The following HMCN1 variants were observed in gnomAD, a reference collection of about 807,000 sequenced individuals.
HMCN1 encodes the protein hemicentin-1.
Under a neutral mutation model 625.9 loss-of-function variants are expected in HMCN1, and 321 were observed. That is an observed-to-expected ratio of 0.51 (90% confidence interval 0.47 to 0.56). The LOEUF (loss-of-function observed/expected upper bound fraction) is 0.56, where lower values mean the gene tolerates loss of function less well. HMCN1 is among the 20% of genes least tolerant of loss of function. HMCN1 has a pLI of 0.00. For missense variants in HMCN1, 6,588 were observed against 6,887.3 expected (o/e 0.96, Z 1.54); for synonymous variants, 2,425 against 2,417.6 (o/e 1.00, Z -0.09).
chr1:186,007,136 T>C lies in HMCN1; in HGVS notation c.4484T>C (p.Phe1495Ser). The change falls in exon 30 of 107, where the codon TTT (phenylalanine) becomes TCT (serine). Residue 1495 changes from phenylalanine (F) to serine (S), a missense_variant. Phe to Ser is a radical substitution (Grantham distance 155). Around this residue, in one of 3 missense-constraint regions of HMCN1, gnomAD observed 4,628 missense variants for 4,853.1 expected, o/e 0.95. Transcript: ENST00000271588. Reference sequence around the variant, plus strand: ...AGTTTTATTTTTTCTAGGCCTTTATTTTTGGGCGATCCTAATGTTGAACTT... The same window carrying C: ...AGTTTTATTTTTTCTAGGCCTTTATCTTTGGGCGATCCTAATGTTGAACTT... ...IHWFKDGKPLFLGDPNVELLD... is the reference protein window; with the variant it reads ...IHWFKDGKPLSLGDPNVELLD... The C allele has an allele frequency of 6.2e-7, 1 of 1,612,148 alleles. No individual in the cohort carries two copies. Among genetic ancestry groups the C allele is most frequent in the Non-Finnish European group, 8.5e-7 (1 of 1,178,378 alleles).
At chr1:185,992,996 A>T (rs1295647942) in intron 22 of HMCN1, among the ~76,000 whole-genome samples, 186 bp from the exon 23 acceptor site, 1 of 152,196 alleles carries the variant, frequency 6.6e-6, no homozygotes, top group Non-Finnish European at 1.5e-5. Context: ...TTATGTTTGC[A>T]GGAAAATCAT....
At chr1:186,011,604 C>T (rs1654008768) in intron 30 of HMCN1, among the ~76,000 whole-genome samples, 2 of 152,196 alleles carry the variant, frequency 1.3e-5, no homozygotes, top group African/African-American at 2.4e-5. Flanking sequence ...ATTTTCTTTG[C>T]ATTTGCCTCA....
At chr1:186,188,183 TC>T (rs1653474189) in intron 106 of HMCN1, among the ~76,000 whole-genome samples, 174 bp downstream of exon 106, 1 of 152,164 alleles carries the variant, frequency 6.6e-6, no homozygotes, top group African/African-American at 2.4e-5. Context: ...AATGAGCTCA[TC>T]CTGCAGCAGC....
rs1011954655 is a variant in HMCN1 at position 186,108,707 on chromosome 1, A to C, written c.10989+110A>C. On this transcript the variant is annotated intron_variant, in intron 71 of 106. Transcript: ENST00000271588. ...AAAACCAACTAACATCAGGCTACTA[A>C]TTATTCAACATTGCAGCAGTAAGCA... The C allele has an allele frequency of 4.2e-6, 5 of 1,196,566 alleles. No individual in the cohort carries two copies. In the African/African-American group the frequency reaches 7.6e-5, roughly 18 times the overall value. The allele number at this position is 1,196,566 out of a possible 1,614,324, so 74.1% of individuals were successfully genotyped here. A position where few individuals can be genotyped will look rare whatever the true frequency, so the allele number is the denominator to read the frequency against.
intron 1 of HMCN1, among the ~76,000 whole-genome samples, chr1:185,736,179 A>G (rs1653556734): frequency 6.6e-6 from 1 of 152,210 alleles, no homozygotes; most frequent in African/African-American, 2.4e-5. Context: ...TTAAAGATAT[A>G]TAGAACTCTC....
chr1:185,787,134 A>G (rs1557968538), intron 1 of HMCN1, among the ~76,000 whole-genome samples: 1 of 144,574 alleles, frequency 6.9e-6, no homozygotes, highest in Admixed American at 7.0e-5. Context: ...ATGAAGCGCC[A>G]TGATGTATGT....
At chr1:185,875,607 A>G (rs1297999235) in intron 4 of HMCN1, among the ~76,000 whole-genome samples, 2 of 152,008 alleles carry the variant, frequency 1.3e-5, no homozygotes, top group Non-Finnish European at 2.9e-5. Context: ...ATTTGACACT[A>G]TGGATCATTT....
At chr1:185,921,840 G>C (rs1667021891) in intron 6 of HMCN1, among the ~76,000 whole-genome samples, 1 of 152,168 alleles carries the variant, frequency 6.6e-6, no homozygotes, top group South Asian at 2.1e-4. Context: ...TAAGGACTTT[G>C]CATTTTTAAT....
intron 17 of HMCN1, among the ~76,000 whole-genome samples, chr1:185,982,042 A>G (rs1651677254): frequency 6.6e-6 from 1 of 152,092 alleles, no homozygotes; most frequent in Non-Finnish European, 1.5e-5. Flanking sequence ...TACCTTCTTT[A>G]CTACTGCAGT....
intron 91 of HMCN1, among the ~76,000 whole-genome samples, 167 bp downstream of exon 91, chr1:186,144,870 C>T (rs1205467219): frequency 1.3e-5 from 2 of 152,186 alleles, no homozygotes; most frequent in East Asian, 3.8e-4. Context: ...TAGATGTCTT[C>T]GATTCATAGG....
chr1:185,764,088 G>T lies in HMCN1; in HGVS notation c.268+29041G>T, dbSNP rs549495619. Among the ~76,000 whole-genome samples the T allele has an allele frequency of 3.9e-5, 6 of 152,256 alleles. No individual in the cohort carries two copies. In the South Asian group the frequency reaches 1.2e-3, roughly 32 times the overall value. On this transcript the variant is annotated intron_variant, in intron 1 of 106. Coordinates refer to ENST00000271588, the MANE Select transcript of HMCN1 (RefSeq NM_031935.3). The stretch of plus-strand genomic sequence containing the variant: ...CTGAAAAACAAATGCGTACAATTAA[G>T]AATAGTTTACAACTCTCTTAACCAA...
At chr1:185,906,337 T>C (rs1195176735) in intron 4 of HMCN1, among the ~76,000 whole-genome samples, 2 of 151,836 alleles carry the variant, frequency 1.3e-5, no homozygotes, top group African/African-American at 4.8e-5. Context: ...ACTATGTCTT[T>C]CCCAACAAGT....
At chr1:185,847,680 T>C (rs965663625) in intron 2 of HMCN1, among the ~76,000 whole-genome samples, 5 of 152,148 alleles carry the variant, frequency 3.3e-5, no homozygotes, top group Non-Finnish European at 7.4e-5. Flanking sequence ...CTGGGCACAG[T>C]AGCTCACGCC....
chr1:185,789,612 AATGACAT>A (rs139853358), intron 1 of HMCN1, among the ~76,000 whole-genome samples: 5 of 152,228 alleles, frequency 3.3e-5, no homozygotes, highest in African/African-American at 7.2e-5. Flanking sequence ...CAACCTGATG[AATGACAT>A]ATGACATATG....
At chr1:186,071,272 A>G (rs1013566326) in intron 52 of HMCN1, among the ~76,000 whole-genome samples, 1 of 152,176 alleles carries the variant, frequency 6.6e-6, no homozygotes, top group African/African-American at 2.4e-5. Context: ...TACAAAAGGT[A>G]ATGTTTTAAA....
chr1:186,028,213 T>C (rs1205957137), intron 36 of HMCN1, among the ~76,000 whole-genome samples: 3 of 152,212 alleles, frequency 2.0e-5, no homozygotes, highest in Non-Finnish European at 4.4e-5. Flanking sequence ...GAAGGTATTC[T>C]GGTTTTGGCA....
chr1:186,133,078 T>C (rs1244570915), intron 86 of HMCN1, among the ~76,000 whole-genome samples: 1 of 152,182 alleles, frequency 6.6e-6, no homozygotes, highest in African/African-American at 2.4e-5. Context: ...TTTTGAATAC[T>C]AGTTCAACCA....
In HMCN1 at chr1:186,130,514, A is replaced by G; in HGVS notation, c.13047A>G (p.Pro4349=). ...AIGFVYVKEP[P]VFKGDYPSNW... ...TCTTATGTTGTTTTCCAGAACCTCC[A>G]GTCTTCAAAGGTGATTATCCTTCTA... Residue 4349 remains proline, a synonymous_variant, in exon 85 of 107, where the codon CCA becomes CCG. Transcript: ENST00000271588. 1.9e-6 allele frequency: 3 copies of G among 1,613,260 alleles called. No homozygotes were observed. The highest frequency in any genetic ancestry group is 2.5e-6 in the Non-Finnish European group (3 of 1,179,380).
chr1:186,099,061 A>G (rs563297001), intron 68 of HMCN1, among the ~76,000 whole-genome samples: 30 of 152,046 alleles, frequency 2.0e-4, no homozygotes, highest in Non-Finnish European at 4.3e-4. Flanking sequence ...TTACAATTAG[A>G]AAGGAAGAAT....
Sources: allele counts gnomAD v4.1 joint callset (sites outside exome capture counted in the v4.1 genomes callset), GRCh38; gene constraint gnomAD v4.1.1; regional missense constraint gnomAD v4.1.1; transcripts MANE v1.5; gene names NCBI Gene and HGNC (gene_info 2026-07-23, HGNC 2026-07-21).